Variants in DNAJB7 observed in about 807,000 individuals in gnomAD.
DNAJB7 encodes dnaJ homolog subfamily B member 7.
Under a neutral mutation model 1.2 loss-of-function variants are expected in DNAJB7, and 1 was observed. The observed-to-expected ratio is 0.84, with a 90% CI of 0.30 to 4.01. DNAJB7 has a LOEUF of 4.01. DNAJB7 is among the 30% of genes most tolerant of loss of function. The pLI is 0.18. For missense variants in DNAJB7, 420 were observed against 358.5 expected (o/e 1.17, Z -1.39); for synonymous variants, 128 against 127.7 (o/e 1.00, Z -0.01).
chr22:40,860,659 T>A lies in DNAJB7; in HGVS notation c.*406A>T. ...CTCATTGCAGTTTTCCAAATTCCTT[T>A]TTTTTTTTTTTAAGACAGGGTCTTA... On this transcript the variant is annotated 3_prime_UTR_variant, in exon 1 of 1. Transcript: ENST00000307221. 2.5e-6 allele frequency: 3 copies of A among 1,184,616 alleles called. No individual in the cohort carries two copies. Among genetic ancestry groups the A allele is most frequent in the Non-Finnish European group, 3.4e-6 (3 of 875,012 alleles). 73.4% of individuals were successfully genotyped at this position (1,184,616 alleles called of 1,614,324 possible). A position where few individuals can be genotyped will look rare whatever the true frequency, so the allele number is the denominator to read the frequency against.
In DNAJB7 at chr22:40,861,653, G is replaced by T. The variant is rs112762034; in HGVS notation, c.342C>A (p.Asp114Glu). Residue 114 changes from aspartate to glutamate, a missense_variant, in exon 1 of 1, where the codon GAC becomes GAA. Physicochemically the swap from Asp to Glu is conservative, Grantham distance 45. Coordinates refer to ENST00000307221, the MANE Select transcript of DNAJB7 (RefSeq NM_145174.2). ...RDPFSFHFFE[D>E]SLEDLLNRPG... ...GACGATTTAACAGGTCCTCAAGCGA[G>T]TCTTCAAAGAAGTGAAAAGAAAATG... 6.2e-7 allele frequency: 1 copy of T among 1,614,100 alleles called. No individual in the cohort carries two copies. The highest frequency in any genetic ancestry group is 2.2e-5 in the East Asian group (1 of 44,868).
In DNAJB7 at chr22:40,860,889, CCA is replaced by C; in HGVS notation, c.*174_*175del. The C allele has an allele frequency of 2.9e-6, 2 of 686,532 alleles. No homozygotes were observed. The highest frequency in any genetic ancestry group is 5.6e-5 in the East Asian group (2 of 35,778). The allele number at this position is 686,532 out of a possible 1,614,324, so 42.5% of individuals were successfully genotyped here. ...AAATTCTTATTAGCACCAACTGTCA[CCA>C]CAAACTCATCCTTTTCTGACATACC... On this transcript the variant is annotated 3_prime_UTR_variant, in exon 1 of 1. Transcript: ENST00000307221.
Position 40,860,918 on chromosome 22 carries a change from A to G in DNAJB7, c.*147T>C, listed in dbSNP as rs1305140397. The G allele has an allele frequency of 6.3e-6, 5 of 789,378 alleles. No individual in the cohort carries two copies. The highest frequency in any genetic ancestry group is 6.0e-5 in the South Asian group (3 of 50,198). The allele number at this position is 789,378 out of a possible 1,614,324, so 48.9% of individuals were successfully genotyped here. ...AAACTCATCCTTTTCTGACATACCCATTCAAAAAAACTACTAACCAAATGT... is the reference window on the plus strand; with the variant it reads ...AAACTCATCCTTTTCTGACATACCCGTTCAAAAAAACTACTAACCAAATGT... On this transcript the variant is annotated 3_prime_UTR_variant, in exon 1 of 1. Transcript: ENST00000307221.
chr22:40,861,973 G>C lies in DNAJB7; in HGVS notation c.22C>G (p.Leu8Val). 6.2e-7 allele frequency: 1 copy of C among 1,601,198 alleles called. No homozygotes were observed. The highest frequency in any genetic ancestry group is 2.2e-5 in the East Asian group (1 of 44,810). MVDYYEV[L>V]GLQRYASPED... is the part of the protein sequence containing the mutation. Reference sequence around the variant, plus strand: ...GGTGAAGCATATCTTTGCAGTCCTAGAACTTCATAGTAATCCACCATGTTT... The same window carrying C: ...GGTGAAGCATATCTTTGCAGTCCTACAACTTCATAGTAATCCACCATGTTT... The change falls in exon 1 of 1, where the codon CTA becomes GTA. Residue 8 changes from leucine to valine, a missense_variant. Transcript: ENST00000307221.
In DNAJB7 at chr22:40,861,885, T is replaced by G; in HGVS notation, c.110A>C (p.Glu37Ala). ...TTTTCTCTCTGCTTCTTCTTTATTT[T>G]CTGGATTTTTATCAGGGTGCCATTT... ...ALKWHPDKNP[E>A]NKEEAERKFK... The change falls in exon 1 of 1, where the codon GAA becomes GCA. Residue 37 changes from glutamate (E) to alanine (A), a missense_variant. Transcript: ENST00000307221. 1 of 1,614,100 alleles carries G rather than the reference T, an allele frequency of 6.2e-7. No homozygotes were observed. Among genetic ancestry groups the G allele is most frequent in the Non-Finnish European group, 8.5e-7 (1 of 1,180,018 alleles).
Position 40,860,535 on chromosome 22 carries a change from T to C in DNAJB7, c.*530A>G, listed in dbSNP as rs2057936498. The C allele has an allele frequency of 1.1e-5, 8 of 760,556 alleles. No individual in the cohort carries two copies. In the South Asian group the frequency reaches 2.4e-4, roughly 23 times the overall value. The allele number at this position is 760,556 out of a possible 1,614,324, so 47.1% of individuals were successfully genotyped here. The stretch of plus-strand genomic sequence containing the variant: ...TGTGTCTTGATACATTCTTGTCTTC[T>C]AATGCTATGCATGTTTCGTAAGTTT... On this transcript the variant is annotated 3_prime_UTR_variant, in exon 1 of 1. Coordinates refer to ENST00000307221, the MANE Select transcript of DNAJB7 (RefSeq NM_145174.2).
rs143276105 is a variant in DNAJB7 at position 40,861,620 on chromosome 22, G to A, written c.375C>T (p.Ser125=). 2.9e-5 allele frequency: 47 copies of A among 1,613,124 alleles called. No individual in the cohort carries two copies. Among genetic ancestry groups the A allele is most frequent in the African/African-American group, 2.0e-4 (15 of 74,834 alleles). The change falls in exon 1 of 1, where the codon AGC becomes AGT. Residue 125 remains serine (S), a synonymous_variant. Transcript: ENST00000307221. ...SLEDLLNRPG[S]SYGNRNRDAG... is the part of the protein sequence containing the mutation. The stretch of plus-strand genomic sequence containing the variant: ...CATCTCTGTTTCTGTTTCCATAGGA[G>A]CTTCCTGGACGATTTAACAGGTCCT...
In DNAJB7 at chr22:40,861,071, A is replaced by G. The variant is rs145402169; in HGVS notation, c.924T>C (p.Asn308=). The G allele has an allele frequency of 1.5e-5, 23 of 1,580,936 alleles. 1 individual carries two copies. In the African/African-American group the frequency reaches 3.0e-4, roughly 21 times the overall value. ...ATATATTTGAAGAGTCAATTTAACA[A>G]TTCCTTTTGGTAGACTTCTTTTGCA... is the stretch of plus-strand genomic sequence containing the variant. ...KEVQKKSTKR[N]C Residue 308 remains asparagine (N), a synonymous_variant, in exon 1 of 1, where the codon AAT becomes AAC. Coordinates refer to ENST00000307221, the MANE Select transcript of DNAJB7 (RefSeq NM_145174.2).
Position 40,861,239 on chromosome 22 carries a change from G to A in DNAJB7, c.756C>T (p.His252=). The part of the protein sequence containing the change: ...QSFNNYSPNS[H]SSKHVSQYTF... ...TATATTGAGATACATGTTTGGAGCT[G>A]TGAGAATTTGGTGAATAGTTGTTGA... The change falls in exon 1 of 1, where the codon CAC becomes CAT. Residue 252 remains histidine (H), a synonymous_variant. Coordinates refer to ENST00000307221, the MANE Select transcript of DNAJB7 (RefSeq NM_145174.2). The A allele has an allele frequency of 6.2e-7, 1 of 1,614,178 alleles. No homozygotes were observed. Among genetic ancestry groups the A allele is most frequent in the Non-Finnish European group, 8.5e-7 (1 of 1,180,036 alleles).
chr22:40,861,186 A>C lies in DNAJB7; in HGVS notation c.809T>G (p.Ile270Arg). Reference protein sequence around the residue: ...YTFVDNDEGGISWVTSNRDPP... With the variant: ...YTFVDNDEGGRSWVTSNRDPP... ...ATCTCTGTTGCTGGTAACCCAAGAT[A>C]TACCTCCCTCATCATTGTCCACGAA... The change falls in exon 1 of 1, where the codon ATA becomes AGA. Residue 270 changes from isoleucine to arginine, a missense_variant. Coordinates refer to ENST00000307221, the MANE Select transcript of DNAJB7 (RefSeq NM_145174.2). 6.2e-7 allele frequency: 1 copy of C among 1,614,094 alleles called. No individual in the cohort carries two copies. Among genetic ancestry groups the C allele is most frequent in the Non-Finnish European group, 8.5e-7 (1 of 1,180,010 alleles).
rs2145766787 is a variant in DNAJB7 at position 40,861,688 on chromosome 22, C to T, written c.307G>A (p.Glu103Lys). Residue 103 changes from glutamate to lysine, a missense_variant, in exon 1 of 1, where the codon GAA (glutamate) becomes AAA (lysine). Transcript: ENST00000307221. ...PDDVFKEIFHERDPFSFHFFE... is the reference protein window; with the variant it reads ...PDDVFKEIFHKRDPFSFHFFE... ...AAGTGAAAAGAAAATGGATCCCTTT[C>T]ATGAAAAATTTCTTTAAAAACATCA... 1 of 1,614,112 alleles carries T rather than the reference C, an allele frequency of 6.2e-7. No homozygotes were observed. Among genetic ancestry groups the T allele is most frequent in the Non-Finnish European group, 8.5e-7 (1 of 1,180,006 alleles).
In DNAJB7 at chr22:40,861,442, T is replaced by A. The variant is rs756348480; in HGVS notation, c.553A>T (p.Ile185Leu). The A allele has an allele frequency of 9.3e-6, 15 of 1,613,972 alleles. No homozygotes were observed. In the African/African-American group the frequency reaches 1.6e-4, roughly 17 times the overall value. ...ATTTTGTCTGAAGTTGTAACAGATA[T>A]GTAGTTGTCCATCCCACTATTATCA... ...AFDNSGMDNYISVTTSDKIVN... is the reference protein window; with the variant it reads ...AFDNSGMDNYLSVTTSDKIVN... Residue 185 changes from isoleucine to leucine, a missense_variant, in exon 1 of 1, where the codon ATA (isoleucine) becomes TTA (leucine). Transcript: ENST00000307221.
At position 40,860,653 on chromosome 22, in the gene DNAJB7, T is replaced by G; in HGVS notation, c.*412A>C. The G allele has an allele frequency of 1.5e-6, 2 of 1,307,966 alleles. No homozygotes were observed. The highest frequency in any genetic ancestry group is 2.9e-5 in the South Asian group (2 of 69,112). The allele number at this position is 1,307,966 out of a possible 1,614,324, so 81.0% of individuals were successfully genotyped here. On this transcript the variant is annotated 3_prime_UTR_variant, in exon 1 of 1. Coordinates refer to ENST00000307221, the MANE Select transcript of DNAJB7 (RefSeq NM_145174.2). ...AAAAAACTCATTGCAGTTTTCCAAATTCCTTTTTTTTTTTTTTAAGACAGG... is the reference window on the plus strand; with the variant it reads ...AAAAAACTCATTGCAGTTTTCCAAAGTCCTTTTTTTTTTTTTTAAGACAGG...
Position 40,860,802 on chromosome 22 carries a change from C to A in DNAJB7, c.*263G>T. The A allele has an allele frequency of 1.6e-6, 1 of 638,684 alleles. No individual in the cohort carries two copies. The allele number at this position is 638,684 out of a possible 1,614,324, so 39.6% of individuals were successfully genotyped here. A position where few individuals can be genotyped will look rare whatever the true frequency, so the allele number is the denominator to read the frequency against. ...AGTAGCTGGGACTACAGGTGCACAC[C>A]ACCACACTTGGCTAATTTTTAAATT... is the stretch of plus-strand genomic sequence containing the variant. On this transcript the variant is annotated 3_prime_UTR_variant, in exon 1 of 1. Transcript: ENST00000307221.
Position 40,860,662 on chromosome 22 carries a change from T to A in DNAJB7, c.*403A>T, listed in dbSNP as rs886453155. The A allele has an allele frequency of 7.7e-7, 1 of 1,306,150 alleles. No homozygotes were observed. The highest frequency in any genetic ancestry group is 1.0e-6 in the Non-Finnish European group (1 of 961,106). The allele number at this position is 1,306,150 out of a possible 1,614,324, so 80.9% of individuals were successfully genotyped here. A position where few individuals can be genotyped will look rare whatever the true frequency, so the allele number is the denominator to read the frequency against. ...ATTGCAGTTTTCCAAATTCCTTTTTTTTTTTTTTAAGACAGGGTCTTACTT... is the reference window on the plus strand; with the variant it reads ...ATTGCAGTTTTCCAAATTCCTTTTTATTTTTTTTAAGACAGGGTCTTACTT... On this transcript the variant is annotated 3_prime_UTR_variant, in exon 1 of 1. Coordinates refer to ENST00000307221, the MANE Select transcript of DNAJB7 (RefSeq NM_145174.2).
In DNAJB7 at chr22:40,861,336, G is replaced by T. The variant is rs749774490; in HGVS notation, c.659C>A (p.Thr220Lys). 3 of 1,614,122 alleles carry T rather than the reference G, an allele frequency of 1.9e-6. No homozygotes were observed. Among genetic ancestry groups the T allele is most frequent in the Non-Finnish European group, 2.5e-6 (3 of 1,180,020 alleles). Reference sequence around the variant, plus strand: ...GGCCACACTATTTACAAGAAAAAATGTCAACTCTCCATTATCTTCAGCTTC... The same window carrying T: ...GGCCACACTATTTACAAGAAAAAATTTCAACTCTCCATTATCTTCAGCTTC... ...EREAEDNGEL[T>K]FFLVNSVANE... The change falls in exon 1 of 1, where the codon ACA (threonine) becomes AAA (lysine). Residue 220 changes from threonine to lysine, a missense_variant. Coordinates refer to ENST00000307221, the MANE Select transcript of DNAJB7 (RefSeq NM_145174.2).
At position 40,861,029 on chromosome 22, in the gene DNAJB7, A is replaced by G. The variant is rs2057941180; in HGVS notation, c.*36T>C. The G allele has an allele frequency of 6.5e-7, 1 of 1,536,054 alleles. No homozygotes were observed. Among genetic ancestry groups the G allele is most frequent in the Non-Finnish European group, 8.7e-7 (1 of 1,144,270 alleles). On this transcript the variant is annotated 3_prime_UTR_variant, in exon 1 of 1. Coordinates refer to ENST00000307221, the MANE Select transcript of DNAJB7 (RefSeq NM_145174.2). ...ATTTGTGATTAACCAAAACACACAC[A>G]ATTGTGTTCAAATGTTATATATTTG...
chr22:40,861,655 C>T lies in DNAJB7; in HGVS notation c.340G>A (p.Asp114Asn), dbSNP rs141900496. Residue 114 changes from aspartate to asparagine, a missense_variant, in exon 1 of 1, where the codon GAC becomes AAC. Physicochemically the swap from Asp to Asn is conservative, Grantham distance 23 (BLOSUM62 1). Transcript: ENST00000307221. ...RDPFSFHFFE[D>N]SLEDLLNRPG... is the part of the protein sequence containing the mutation. ...CGATTTAACAGGTCCTCAAGCGAGT[C>T]TTCAAAGAAGTGAAAAGAAAATGGA... 16 of 1,614,000 alleles carry T rather than the reference C, an allele frequency of 9.9e-6. No individual in the cohort carries two copies. The highest frequency in any genetic ancestry group is 2.7e-5 in the African/African-American group (2 of 74,930).
rs1290191685 is a variant in DNAJB7 at position 40,859,602 on chromosome 22, A to G, written c.*1463T>C. ...TATTTTCTGAAAATAAACTTTGAATACTAATTGTCCGCAGTCTCTTCTATA... is the reference window on the plus strand; with the variant it reads ...TATTTTCTGAAAATAAACTTTGAATGCTAATTGTCCGCAGTCTCTTCTATA... On this transcript the variant is annotated 3_prime_UTR_variant, in exon 1 of 1. Coordinates refer to ENST00000307221, the MANE Select transcript of DNAJB7 (RefSeq NM_145174.2). 1 of 152,206 alleles carries G rather than the reference A, an allele frequency of 6.6e-6. No homozygotes were observed. Among genetic ancestry groups the G allele is most frequent in the Non-Finnish European group, 1.5e-5 (1 of 68,034 alleles). 9.4% of individuals were successfully genotyped at this position (152,206 alleles called of 1,614,324 possible).
Sources: allele counts gnomAD v4.1 joint callset, GRCh38; gene constraint gnomAD v4.1.1; transcripts MANE v1.5; gene names NCBI Gene and HGNC (gene_info 2026-07-23, HGNC 2026-07-21).